PDZRN4: variants seen among roughly 807,000 people sequenced by gnomAD.
PDZRN4 encodes the protein PDZ domain-containing RING finger protein 4.
A neutral mutation model predicts 99.0 loss-of-function variants in PDZRN4; 70 were observed. The ratio of observed to expected loss-of-function variants is 0.71; its 90% confidence interval spans 0.58 to 0.86. PDZRN4 has a LOEUF of 0.86. Among genes scored for constraint, PDZRN4 ranks in the 40% least tolerant of loss-of-function variants. PDZRN4 has a pLI of 0.00. For missense variants in PDZRN4, 1,474 were observed against 1,331.2 expected (o/e 1.11, Z -1.67); for synonymous variants, 551 against 501.6 (o/e 1.10, Z -1.32).
chr12:41,240,318 A>G (rs1467866253), intron 3 of PDZRN4, among the ~76,000 whole-genome samples: 2 of 152,164 alleles, frequency 1.3e-5, no homozygotes, highest in East Asian at 3.9e-4. Context: ...TTCAATTCCC[A>G]TATGTGCATC....
intron 3 of PDZRN4, among the ~76,000 whole-genome samples, chr12:41,313,295 A>T (rs1234514302): frequency 6.6e-6 from 1 of 151,712 alleles, no homozygotes; most frequent in Non-Finnish European, 1.5e-5. Flanking sequence ...TTCCTTTCCC[A>T]CTCCACTTTT....
chr12:41,313,657 C>A (rs1308709963), intron 3 of PDZRN4, among the ~76,000 whole-genome samples: 5 of 152,204 alleles, frequency 3.3e-5, no homozygotes. Context: ...TGAGCCCCAT[C>A]CATGGACATC....
intron 5 of PDZRN4, among the ~76,000 whole-genome samples, chr12:41,534,109 C>A (rs1250145170): frequency 1.3e-5 from 2 of 152,206 alleles, no homozygotes; most frequent in South Asian, 2.1e-4. Flanking sequence ...TCATATGTTA[C>A]CTTCATAAGC....
At chr12:41,306,317 G>A (rs890076310) in intron 3 of PDZRN4, among the ~76,000 whole-genome samples, 16 of 152,226 alleles carry the variant, frequency 1.1e-4, no homozygotes, top group African/African-American at 3.9e-4. Context: ...TGTTGGGTCT[G>A]TTGAAACTGA....
At chr12:41,542,963 G>A (rs562078475) in intron 5 of PDZRN4, among the ~76,000 whole-genome samples, 1 of 152,192 alleles carries the variant, frequency 6.6e-6, no homozygotes, top group South Asian at 2.1e-4. Flanking sequence ...TAAGATGGAA[G>A]CCACAGATTA....
At chr12:41,499,239 C>T (rs1028204517) in intron 3 of PDZRN4, among the ~76,000 whole-genome samples, 1 of 152,014 alleles carries the variant, frequency 6.6e-6, no homozygotes, top group Non-Finnish European at 1.5e-5. Flanking sequence ...CTGGGTGAGG[C>T]AGGGGTGCCA....
chr12:41,418,788 G>C (rs1040976699), intron 3 of PDZRN4, among the ~76,000 whole-genome samples: 9 of 152,146 alleles, frequency 5.9e-5, no homozygotes, highest in Non-Finnish European at 1.2e-4. Flanking sequence ...AGCAGCCAAG[G>C]GAAAAGGGTT....
chr12:41,271,851 T>A (rs1037423262), intron 3 of PDZRN4, among the ~76,000 whole-genome samples: 3 of 152,094 alleles, frequency 2.0e-5, no homozygotes, highest in African/African-American at 7.2e-5. Context: ...CTCAGAGGAC[T>A]TTGTGGTTAT....
At chr12:41,507,294 A>G (rs1163611178) in intron 4 of PDZRN4, among the ~76,000 whole-genome samples, 1 of 152,178 alleles carries the variant, frequency 6.6e-6, no homozygotes, top group Admixed American at 6.6e-5. Flanking sequence ...TTCAAGGAAT[A>G]CTTCCTCCTG....
At chr12:41,410,831 T>A (rs1952392754) in intron 3 of PDZRN4, among the ~76,000 whole-genome samples, 1 of 152,120 alleles carries the variant, frequency 6.6e-6, no homozygotes, top group Admixed American at 6.6e-5. Context: ...AAAGAGTTAC[T>A]CAAATCTGCT....
intron 5 of PDZRN4, among the ~76,000 whole-genome samples, chr12:41,539,387 T>A (rs767580301): frequency 5.3e-5 from 8 of 152,070 alleles, no homozygotes; most frequent in Non-Finnish European, 1.2e-4. Flanking sequence ...TTTGATTAGA[T>A]CAGAAATGTC....
chr12:41,211,868 C>G (rs1950890809), intron 3 of PDZRN4, among the ~76,000 whole-genome samples: 1 of 151,952 alleles, frequency 6.6e-6, no homozygotes, highest in Non-Finnish European at 1.5e-5. Context: ...GTGCATTCAC[C>G]TGTAGATACT....
intron 3 of PDZRN4, among the ~76,000 whole-genome samples, chr12:41,392,252 T>C (rs1952215393): frequency 6.6e-6 from 1 of 152,136 alleles, no homozygotes; most frequent in Non-Finnish European, 1.5e-5. Flanking sequence ...TTATGTTTCT[T>C]TGATCATGAC....
intron 3 of PDZRN4, among the ~76,000 whole-genome samples, chr12:41,245,303 T>C (rs1034351693): frequency 5.3e-5 from 8 of 152,140 alleles, no homozygotes; most frequent in Admixed American, 5.2e-4. Context: ...ACAAATTTGT[T>C]GAATGAATAA....
intron 3 of PDZRN4, among the ~76,000 whole-genome samples, chr12:41,222,527 T>C (rs1338518803): frequency 6.6e-6 from 1 of 152,104 alleles, no homozygotes; most frequent in Non-Finnish European, 1.5e-5. Flanking sequence ...ATTATTTCTA[T>C]TTTTTTATTG....
intron 3 of PDZRN4, among the ~76,000 whole-genome samples, chr12:41,366,010 T>C (rs1951997297): frequency 6.6e-6 from 1 of 152,076 alleles, no homozygotes. Context: ...GCAGTGGAGA[T>C]GGAAGGAGGC....
chr12:41,305,353 A>C (rs1260813607), intron 3 of PDZRN4, among the ~76,000 whole-genome samples: 1 of 152,226 alleles, frequency 6.6e-6, no homozygotes, highest in East Asian at 1.9e-4. Flanking sequence ...GGACTAAAAC[A>C]CTTAGAACAG....
chr12:41,465,831 A>G (rs1443603174), intron 3 of PDZRN4, among the ~76,000 whole-genome samples: 2 of 152,252 alleles, frequency 1.3e-5, no homozygotes, highest in African/African-American at 2.4e-5. Context: ...AGTGATACTT[A>G]TATAACTTAA....
chr12:41,415,453 G>A (rs1952436767), intron 3 of PDZRN4, among the ~76,000 whole-genome samples: 1 of 151,356 alleles, frequency 6.6e-6, no homozygotes, highest in Non-Finnish European at 1.5e-5. Flanking sequence ...TCCTCCTAGA[G>A]TATAGCAGTA....
Sources: allele counts gnomAD v4.1 joint callset (sites outside exome capture counted in the v4.1 genomes callset), GRCh38; gene constraint gnomAD v4.1.1; transcripts MANE v1.5; gene names NCBI Gene and HGNC (gene_info 2026-07-23, HGNC 2026-07-21).